The following CFAP299 variants were observed in gnomAD, a reference collection of about 807,000 sequenced individuals.
The protein encoded by CFAP299 is cilia and flagella associated protein 299.
Under a neutral mutation model 27.0 loss-of-function variants are expected in CFAP299, and 21 were observed. That is an observed-to-expected ratio of 0.78 (90% CI 0.55 to 1.12). The LOEUF (loss-of-function observed/expected upper bound fraction) is 1.12, where lower values mean the gene tolerates loss of function less well. Ranked by LOEUF, CFAP299 falls within the 50% of genes most tolerant of loss-of-function variation. The pLI is 0.00. For missense variants in CFAP299, 310 were observed against 276.6 expected (o/e 1.12, Z -0.86); for synonymous variants, 104 against 98.1 (o/e 1.06, Z -0.36).
At chr4:80,425,175 C>T (rs555085285) in intron 2 of CFAP299, among the ~76,000 whole-genome samples, 1 of 152,272 alleles carries the variant, frequency 6.6e-6, no homozygotes, top group African/African-American at 2.4e-5. Flanking sequence ...GTGATTAGGC[C>T]ATGAAGGCAG....
chr4:80,518,561 A>AT (rs540726773), intron 2 of CFAP299, among the ~76,000 whole-genome samples: 2,233 of 150,432 alleles, frequency 0.015, 30 homozygotes, highest in Middle Eastern at 0.028. Flanking sequence ...TGAAAAATGG[A>AT]TTTTTTTTTT....
At position 80,682,429 on chromosome 4, in the gene CFAP299, C is replaced by T. The variant is rs574449244; in HGVS notation, c.333+99246C>T. ...AAAGGAAGAGGAAACAACAGTCTTA[C>T]GTGATTAATCATGCCTAGTATTCCA... On this transcript the variant is annotated intron_variant, in intron 3 of 5. Coordinates refer to ENST00000358105, the MANE Select transcript of CFAP299 (RefSeq NM_152770.3). Among the ~76,000 whole-genome samples, 5 of 152,264 alleles carry T rather than the reference C, an allele frequency of 3.3e-5. No individual in the cohort carries two copies. The East Asian group carries it at 5.8e-4, about 18-fold the overall frequency.
rs370853842 is a variant in CFAP299, at chr4:80,794,985, A to G, written c.334-75008A>G. Among the ~76,000 whole-genome samples the G allele has an allele frequency of 1.2e-4, 18 of 152,186 alleles. No individual in the cohort carries two copies. The East Asian group carries it at 2.1e-3, about 18-fold the overall frequency. On this transcript the variant is annotated intron_variant, in intron 3 of 5. Transcript: ENST00000358105. ...GAAGCCCATGTTGCTGAGCCCATACATATCATCCATCCCTGCCACCATGGC... is the reference window on the plus strand; with the variant it reads ...GAAGCCCATGTTGCTGAGCCCATACGTATCATCCATCCCTGCCACCATGGC...
intron 2 of CFAP299, among the ~76,000 whole-genome samples, chr4:80,446,498 C>T (rs556211214): frequency 1.3e-5 from 2 of 152,340 alleles, no homozygotes; most frequent in South Asian, 4.1e-4. Context: ...TAATTGACAG[C>T]TTCCATAATT....
In CFAP299 at chr4:80,797,828, G is replaced by A. The variant is rs536751428; in HGVS notation, c.334-72165G>A. 9.2e-5 allele frequency among the ~76,000 whole-genome samples: 14 copies of A among 152,218 alleles called. No homozygotes were observed. The East Asian group carries it at 2.7e-3, about 29-fold the overall frequency. On this transcript the variant is annotated intron_variant, in intron 3 of 5. Coordinates refer to ENST00000358105, the MANE Select transcript of CFAP299 (RefSeq NM_152770.3). Reference sequence around the variant, plus strand: ...CCATCCCAATCTCCCCAAGCCTCTGGATCCCTTCCTCTAAATTAAGCCAAA... The same window carrying A: ...CCATCCCAATCTCCCCAAGCCTCTGAATCCCTTCCTCTAAATTAAGCCAAA...
At chr4:80,762,423 G>T (rs939979017) in intron 3 of CFAP299, among the ~76,000 whole-genome samples, 5 of 152,194 alleles carry the variant, frequency 3.3e-5, no homozygotes, top group Non-Finnish European at 7.4e-5. Context: ...TCTTGGTTTG[G>T]ATGATTCCAA....
At chr4:80,737,163 TGG>T (rs1723949976) in intron 3 of CFAP299, among the ~76,000 whole-genome samples, 1 of 39,518 alleles carries the variant, frequency 2.5e-5, no homozygotes, top group Admixed American at 3.6e-4. Flanking sequence ...GGGACTGTTG[TGG>T]GTTGGGGGGA....
At chr4:80,752,901 A>T (rs1184083215) in intron 3 of CFAP299, among the ~76,000 whole-genome samples, 1 of 152,118 alleles carries the variant, frequency 6.6e-6, no homozygotes, top group Non-Finnish European at 1.5e-5. Flanking sequence ...AAACCTTACA[A>T]CAGATTATTT....
chr4:80,327,825 G>A, the CFAP299 span, among the ~76,000 whole-genome samples: 82 of 148,848 alleles, frequency 5.5e-4, 1 homozygote, highest in African/African-American at 1.9e-3. Context: ...ATTAGAAGAG[G>A]TGTGGGCCCA....
At chr4:80,765,696 A>T (rs188977047) in intron 3 of CFAP299, among the ~76,000 whole-genome samples, 56 of 152,196 alleles carry the variant, frequency 3.7e-4, no homozygotes, top group Non-Finnish European at 7.6e-4. Context: ...ATAAAAATAA[A>T]TGTAAACAAA....
At chr4:80,545,440 A>G (rs1043404008) in intron 2 of CFAP299, among the ~76,000 whole-genome samples, 1 of 151,986 alleles carries the variant, frequency 6.6e-6, no homozygotes, top group Non-Finnish European at 1.5e-5. Flanking sequence ...ACCCTACAGA[A>G]GAAAAAAAAA....
chr4:80,880,630 G>T (rs1323952725), intron 4 of CFAP299, among the ~76,000 whole-genome samples: 2 of 152,102 alleles, frequency 1.3e-5, no homozygotes, highest in African/African-American at 2.4e-5. Context: ...GGAGGCTGAG[G>T]CAGGAGAATC....
intron 3 of CFAP299, among the ~76,000 whole-genome samples, chr4:80,713,127 G>C (rs990911524): frequency 1.3e-5 from 2 of 152,136 alleles, no homozygotes; most frequent in African/African-American, 4.8e-5. Context: ...CATTCCAATG[G>C]AGTAGAGAAG....
At position 80,724,990 on chromosome 4, in the gene CFAP299, C is replaced by A. The variant is rs137909079; in HGVS notation, c.333+141807C>A. On this transcript the variant is annotated intron_variant, in intron 3 of 5. Coordinates refer to ENST00000358105, the MANE Select transcript of CFAP299 (RefSeq NM_152770.3). ...TGAGACAGAGTCTTGCTGTGTTGCC[C>A]ATGCTGGAGAGTGGCATGATCTCAG... is the stretch of plus-strand genomic sequence containing the variant. 5.3e-4 allele frequency among the ~76,000 whole-genome samples: 79 copies of A among 149,810 alleles called. 1 individual carries two copies. The East Asian group carries it at 0.014, about 27-fold the overall frequency.
intron 3 of CFAP299, among the ~76,000 whole-genome samples, chr4:80,790,008 T>C (rs1727459052): frequency 1.3e-5 from 2 of 152,018 alleles, no homozygotes; most frequent in Non-Finnish European, 1.5e-5. Flanking sequence ...TGCTCAAGAA[T>C]ATCTAACAAA....
intron 2 of CFAP299, among the ~76,000 whole-genome samples, chr4:80,458,373 G>A (rs1729269451): frequency 6.6e-6 from 1 of 152,196 alleles, no homozygotes; most frequent in African/African-American, 2.4e-5. Flanking sequence ...ACAGGCTGGA[G>A]TGCCTTTTTG....
intron 2 of CFAP299, among the ~76,000 whole-genome samples, chr4:80,497,257 A>G (rs1379804886): frequency 1.3e-5 from 2 of 152,186 alleles, no homozygotes; most frequent in East Asian, 1.9e-4. Flanking sequence ...GAGACAGACT[A>G]AGACATTATC....
intron 4 of CFAP299, among the ~76,000 whole-genome samples, chr4:80,920,837 T>A (rs1228814163): frequency 6.6e-6 from 1 of 152,096 alleles, no homozygotes; most frequent in Non-Finnish European, 1.5e-5. Context: ...CTGGACTATG[T>A]CTTATTTTCT....
rs1377698264 is a variant in CFAP299, at chr4:80,652,771, CT to C, written c.333+69589del. Among the ~76,000 whole-genome samples, 3 of 151,998 alleles carry C rather than the reference CT, an allele frequency of 2.0e-5. No individual in the cohort carries two copies. The South Asian group carries it at 6.2e-4, about 32-fold the overall frequency. On this transcript the variant is annotated intron_variant, in intron 3 of 5. Transcript: ENST00000358105. ...CCTCATTCCTCTCTGGTGCTTAGCC[CT>C]CCTTGTTTTGGTGTCCAGAGTTTTC... is the stretch of plus-strand genomic sequence containing the variant.
Sources: gnomAD v4.1 joint callset for allele counts (sites outside exome capture counted in the v4.1 genomes callset) on GRCh38, gnomAD v4.1.1 for gene constraint, MANE v1.5 for transcripts, NCBI Gene and HGNC (gene_info 2026-07-23, HGNC 2026-07-21) for gene names.